Variants in ASRGL1 observed in about 807,000 individuals in gnomAD.
The protein encoded by ASRGL1 is asparaginase and isoaspartyl peptidase 1.
Under a neutral mutation model 22.4 loss-of-function variants are expected in ASRGL1, and 16 were observed. That is an observed-to-expected ratio of 0.71 (90% CI 0.48 to 1.08). The LOEUF (loss-of-function observed/expected upper bound fraction) is 1.08, where lower values mean the gene tolerates loss of function less well. ASRGL1 is among the 50% of genes least tolerant of loss of function. The pLI is 0.00. For missense variants in ASRGL1, 412 were observed against 410.1 expected (o/e 1.00, Z -0.04); for synonymous variants, 165 against 159.3 (o/e 1.04, Z -0.27).
At chr11:62,377,475 A>G (rs1946959875) in intron 4 of ASRGL1, among the ~76,000 whole-genome samples, 1 of 152,202 alleles carries the variant, frequency 6.6e-6, no homozygotes, top group Admixed American at 6.5e-5. Context: ...ATTGATAATG[A>G]GTTTTGATTA....
At chr11:62,346,984 G>T (rs201919652) in intron 2 of ASRGL1, among the ~76,000 whole-genome samples, 1 of 144,938 alleles carries the variant, frequency 6.9e-6, no homozygotes, top group African/African-American at 2.5e-5. Context: ...AAAAAAAAAA[G>T]AAAAATAACG....
At chr11:62,401,359 G>T in the ASRGL1 span, among the ~76,000 whole-genome samples, 2 of 152,178 alleles carry the variant, frequency 1.3e-5, no homozygotes, top group African/African-American at 4.8e-5. Flanking sequence ...TGAGAACAGA[G>T]ACCACCTCTG....
At position 62,337,706 on chromosome 11, in the gene ASRGL1, T is replaced by A. The variant is rs943380945; in HGVS notation, c.-89+132T>A. ...GCCGGGGCTTGGAGGCGGGCGGCGG[T>A]GGGCGCGGGTTAACGTCCCCGGGGA... On this transcript the variant is annotated intron_variant, in intron 1 of 6. Coordinates refer to ENST00000415229, the MANE Select transcript of ASRGL1 (RefSeq NM_001083926.2). The A allele has an allele frequency of 3.2e-4, 121 of 375,216 alleles. 1 individual carries two copies. In the East Asian group the frequency reaches 4.8e-3, roughly 15 times the overall value. 23.2% of individuals were successfully genotyped at this position (375,216 alleles called of 1,614,324 possible). A position where few individuals can be genotyped will look rare whatever the true frequency, so the allele number is the denominator to read the frequency against.
chr11:62,387,248 A>G (rs1329552325), intron 4 of ASRGL1, among the ~76,000 whole-genome samples: 1 of 152,054 alleles, frequency 6.6e-6, no homozygotes, highest in Non-Finnish European at 1.5e-5. Flanking sequence ...GTCACTTCCT[A>G]ACTCAAACTG....
intron 4 of ASRGL1, chr11:62,371,279 G>A: frequency 1.6e-6 from 2 of 1,284,224 alleles, no homozygotes; most frequent in Non-Finnish European, 2.0e-6. Context: ...AGTGGTGGCA[G>A]CAGCAGCAGC....
intron 4 of ASRGL1, chr11:62,371,101 T>C: frequency 1.4e-6 from 1 of 690,744 alleles, no homozygotes; most frequent in South Asian, 2.9e-5. Context: ...CTTTTTTCTC[T>C]CTGGTTTCTC....
chr11:62,364,158 CAAAAAA>C (rs71053048), intron 4 of ASRGL1, among the ~76,000 whole-genome samples: 2 of 93,514 alleles, frequency 2.1e-5, no homozygotes, highest in East Asian at 2.9e-4. Context: ...GAGTCCGTCT[CAAAAAA>C]AAAAAAAAAA....
chr11:62,356,770 C>T (rs1565158446), intron 3 of ASRGL1, among the ~76,000 whole-genome samples: 2 of 152,114 alleles, frequency 1.3e-5, no homozygotes, highest in Admixed American at 1.3e-4. Flanking sequence ...ATATGTAAAT[C>T]GCATCTCTAG....
intron 2 of ASRGL1, among the ~76,000 whole-genome samples, chr11:62,354,151 C>T (rs1881535): frequency 0.85 from 129,659 of 152,246 alleles, 55,692 homozygotes; most frequent in East Asian, 1. Context: ...ATGTTCTTAC[C>T]CATTTTACAC....
chr11:62,394,347 T>G (rs1056828596), downstream of ASRGL1, among the ~76,000 whole-genome samples: 11 of 144,530 alleles, frequency 7.6e-5, no homozygotes, highest in Non-Finnish European at 1.4e-4. Flanking sequence ...TAATATATAT[T>G]ATATATAATA....
intron 4 of ASRGL1, chr11:62,372,245 C>CCACA (rs1203453274): frequency 1.3e-6 from 2 of 1,510,390 alleles, no homozygotes; most frequent in African/African-American, 2.7e-5. Context: ...GTGCGCGGAA[C>CCACA]CACACCTTGG....
chr11:62,349,037 C>T (rs7932568), intron 2 of ASRGL1, among the ~76,000 whole-genome samples: 2 of 151,954 alleles, frequency 1.3e-5, no homozygotes, highest in South Asian at 4.2e-4. Flanking sequence ...GGCACGATCT[C>T]GGCTCACTGC....
At chr11:62,361,832 G>A (rs994215423) in intron 4 of ASRGL1, among the ~76,000 whole-genome samples, 5 of 152,062 alleles carry the variant, frequency 3.3e-5, no homozygotes, top group South Asian at 2.1e-4. Flanking sequence ...AGAGTGTACC[G>A]TGGTACTGAT....
chr11:62,348,467 G>T (rs1036850022), intron 2 of ASRGL1, among the ~76,000 whole-genome samples: 1 of 152,160 alleles, frequency 6.6e-6, no homozygotes, highest in African/African-American at 2.4e-5. Context: ...ACTTTGGGAG[G>T]CCGAGGCAGG....
At chr11:62,349,469 G>T (rs1261494262) in intron 2 of ASRGL1, among the ~76,000 whole-genome samples, 1 of 152,144 alleles carries the variant, frequency 6.6e-6, no homozygotes, top group Non-Finnish European at 1.5e-5. Context: ...TTTTGCAAAG[G>T]CAGTTTCAAT....
At position 62,356,977 on chromosome 11, in the gene ASRGL1, TC is replaced by T. The variant is rs770070586; in HGVS notation, c.334-9del. ...AAAAACAATCATTTTCTCTTTTCTT[TC>T]TGGCTCAGACACCTCATTGCTTTCT... On this transcript the variant is annotated splice_polypyrimidine_tract_variant and intron_variant, in intron 3 of 6. Coordinates refer to ENST00000415229, the MANE Select transcript of ASRGL1 (RefSeq NM_001083926.2). The T allele has an allele frequency of 8.3e-6, 13 of 1,570,758 alleles. No homozygotes were observed. Among genetic ancestry groups the T allele is most frequent in the Middle Eastern group, 1.7e-4 (1 of 5,858 alleles).
chr11:62,383,602 C>CAAAAAAAAAAAAAAAAAAAA (rs35096038), intron 4 of ASRGL1, among the ~76,000 whole-genome samples: 5 of 21,930 alleles, frequency 2.3e-4, no homozygotes, highest in Non-Finnish European at 2.9e-4. Flanking sequence ...GACTCCTACT[C>CAAAAAAAAAAAAAAAAAAAA]AAAAAAAAAA....
chr11:62,379,983 G>A (rs555783842), intron 4 of ASRGL1, among the ~76,000 whole-genome samples: 1 of 152,168 alleles, frequency 6.6e-6, no homozygotes, highest in East Asian at 1.9e-4. Flanking sequence ...TTTATCTGTT[G>A]TTGTTGTAGT....
chr11:62,373,988 G>T (rs1316251227), intron 4 of ASRGL1, among the ~76,000 whole-genome samples: 1 of 152,192 alleles, frequency 6.6e-6, no homozygotes. Flanking sequence ...ACACGCACTC[G>T]CCAATTAGAG....
Sources: allele counts gnomAD v4.1 joint callset (sites outside exome capture counted in the v4.1 genomes callset), GRCh38; gene constraint gnomAD v4.1.1; transcripts MANE v1.5; gene names NCBI Gene and HGNC (gene_info 2026-07-23, HGNC 2026-07-21).